Variants in CTPS1 observed in about 807,000 individuals in gnomAD.
CTPS1 encodes CTP synthetase 1.
CTPS1 carries 25 observed loss-of-function variants against 80.5 expected under a neutral mutation model. That is an observed-to-expected ratio of 0.31 (90% confidence interval 0.23 to 0.43). The LOEUF (loss-of-function observed/expected upper bound fraction) is 0.43, where lower values mean the gene tolerates loss of function less well. CTPS1 is among the 20% of genes least tolerant of loss of function. The probability of loss-of-function intolerance (pLI) is 1.00; values close to 1 mark genes in which losing one functional copy is unlikely to be tolerated. For missense variants in CTPS1, 442 were observed against 725.7 expected (o/e 0.61, Z 4.49); for synonymous variants, 267 against 252.5 (o/e 1.06, Z -0.54).
At chr1:40,998,328 G>A (rs1642809720) in intron 9 of CTPS1, among the ~76,000 whole-genome samples, 1 of 151,074 alleles carries the variant, frequency 6.6e-6, no homozygotes, top group Admixed American at 6.6e-5. Flanking sequence ...AACCTGGGAG[G>A]TGGAGGTTGC....
intron 7 of CTPS1, among the ~76,000 whole-genome samples, chr1:40,993,297 C>T (rs1436697698): frequency 1.3e-5 from 2 of 151,718 alleles, no homozygotes; most frequent in African/African-American, 2.4e-5. Flanking sequence ...GTGAGCCACC[C>T]GTCTTGGCCT....
intron 7 of CTPS1, among the ~76,000 whole-genome samples, chr1:40,993,774 C>CTTTTTTTT (rs71278720): frequency 1.4e-3 from 120 of 85,776 alleles, no homozygotes; most frequent in Non-Finnish European, 2.0e-3. Context: ...TTTCTTCTCT[C>CTTTTTTTT]TTTTTTTTTT....
At chr1:41,004,950 A>G (rs1244131031) in intron 12 of CTPS1, among the ~76,000 whole-genome samples, 9 of 143,348 alleles carry the variant, frequency 6.3e-5, no homozygotes, top group East Asian at 4.3e-4. Context: ...CCAACATGGA[A>G]AAACCCCATC....
intron 7 of CTPS1, among the ~76,000 whole-genome samples, chr1:40,993,994 G>A (rs1276744563): frequency 6.6e-6 from 1 of 151,934 alleles, no homozygotes; most frequent in Non-Finnish European, 1.5e-5. Context: ...GGCCAGGCTG[G>A]TTGCGAACTC....
At chr1:40,995,784 T>C in intron 7 of CTPS1, 133 bp from the exon 8 acceptor site, 1 of 779,706 alleles carries the variant, frequency 1.3e-6, no homozygotes, top group Non-Finnish European at 2.0e-6. Context: ...TCTGTTTTAG[T>C]AGTTTATCTA....
chr1:40,998,813 G>C (rs1213748207), intron 9 of CTPS1, among the ~76,000 whole-genome samples: 2 of 152,160 alleles, frequency 1.3e-5, no homozygotes, highest in African/African-American at 4.8e-5. Context: ...CTACTTCCCA[G>C]GTGTTTCTCA....
rs753970242 is a variant in CTPS1, at chr1:40,996,169, C to G, written c.872+101C>G. On this transcript the variant is annotated intron_variant, in intron 8 of 18. Coordinates refer to ENST00000650070, the MANE Select transcript of CTPS1 (RefSeq NM_001905.4). ...CTAGCACTTTTGTACTTTTGCACTT[C>G]TGCCATCCACTCATTAGAAGAGCCT... is the stretch of plus-strand genomic sequence containing the variant. 16 of 1,252,614 alleles carry G rather than the reference C, an allele frequency of 1.3e-5. No individual in the cohort carries two copies. In the African/African-American group the frequency reaches 1.9e-4, roughly 15 times the overall value. The allele number at this position is 1,252,614 out of a possible 1,614,324, so 77.6% of individuals were successfully genotyped here.
chr1:41,010,577 G>A (rs1450716401), intron 18 of CTPS1, among the ~76,000 whole-genome samples: 2 of 152,200 alleles, frequency 1.3e-5, no homozygotes, highest in Non-Finnish European at 2.9e-5. Flanking sequence ...CTGGGGCGGG[G>A]AAGGGGAGGG....
intron 5 of CTPS1, among the ~76,000 whole-genome samples, chr1:40,989,643 CAGAA>C (rs941588332): frequency 9.2e-5 from 14 of 151,846 alleles, no homozygotes; most frequent in African/African-American, 3.4e-4. Flanking sequence ...GACCAAACAA[CAGAA>C]AGAAAGAAAC....
At chr1:40,986,918 C>G (rs1031367057) in intron 3 of CTPS1, among the ~76,000 whole-genome samples, 8 of 152,208 alleles carry the variant, frequency 5.3e-5, no homozygotes, top group Admixed American at 6.5e-5. Flanking sequence ...TCTAACCACT[C>G]TGCTGTGCTG....
intron 4 of CTPS1, 190 bp from the exon 5 acceptor site, chr1:40,988,404 C>T: frequency 1.9e-6 from 1 of 536,134 alleles, no homozygotes; most frequent in Non-Finnish European, 3.3e-6. Context: ...TGAGCCTGTC[C>T]AAAAGAATAA....
intron 3 of CTPS1, among the ~76,000 whole-genome samples, chr1:40,985,895 G>A (rs1642439113): frequency 6.6e-6 from 1 of 152,170 alleles, no homozygotes; most frequent in South Asian, 2.1e-4. Context: ...TAGGTTGTTA[G>A]GAAGATTAAA....
At chr1:40,993,771 TC>T (rs1558146847) in intron 7 of CTPS1, among the ~76,000 whole-genome samples, 4 of 127,750 alleles carry the variant, frequency 3.1e-5, no homozygotes, top group South Asian at 5.2e-4. Context: ...CATTTTCTTC[TC>T]TCTTTTTTTT....
intron 11 of CTPS1, among the ~76,000 whole-genome samples, chr1:41,002,851 A>G (rs1558161612): frequency 6.6e-6 from 1 of 152,198 alleles, no homozygotes; most frequent in Admixed American, 6.5e-5. Flanking sequence ...CTGGGGGGAA[A>G]AAAGTACTGA....
At chr1:40,995,396 G>GT (rs1240457710) in intron 7 of CTPS1, among the ~76,000 whole-genome samples, 3,785 of 131,400 alleles carry the variant, frequency 0.029, 86 homozygotes, top group South Asian at 0.11. Flanking sequence ...TTTTTTGGGT[G>GT]TTTTTTTTTT....
intron 10 of CTPS1, among the ~76,000 whole-genome samples, chr1:41,001,931 C>T (rs1642913941): frequency 6.6e-6 from 1 of 152,184 alleles, no homozygotes; most frequent in Non-Finnish European, 1.5e-5. Flanking sequence ...ATTATGTATA[C>T]TATCTTTTTC....
At chr1:40,997,118 G>A (rs2148405614) in intron 8 of CTPS1, 1 of 348,328 alleles carries the variant, frequency 2.9e-6, no homozygotes, top group Non-Finnish European at 5.2e-6. Context: ...TTCTTCCCAG[G>A]TGTGTTTTTG....
chr1:41,010,734 G>T (rs1334031869), intron 18 of CTPS1, among the ~76,000 whole-genome samples: 1 of 152,210 alleles, frequency 6.6e-6, no homozygotes, highest in Non-Finnish European at 1.5e-5. Context: ...ACTGCTTAGA[G>T]AACTTTTTTT....
At chr1:40,990,596 G>A (rs1334236844) in intron 5 of CTPS1, among the ~76,000 whole-genome samples, 2 of 151,828 alleles carry the variant, frequency 1.3e-5, no homozygotes, top group African/African-American at 2.4e-5. Flanking sequence ...ACCAGCCTGG[G>A]CAATGTGACA....
Sources: allele counts gnomAD v4.1 joint callset (sites outside exome capture counted in the v4.1 genomes callset), GRCh38; gene constraint gnomAD v4.1.1; transcripts MANE v1.5; gene names NCBI Gene and HGNC (gene_info 2026-07-23, HGNC 2026-07-21).